Variants in SYT1 observed in about 807,000 individuals in gnomAD.
The protein encoded by SYT1 is synaptotagmin-1.
In SYT1, 8 loss-of-function variants were observed where a neutral mutation model predicts 44.8. That is an observed-to-expected ratio of 0.18 (90% CI 0.10 to 0.32). The LOEUF (loss-of-function observed/expected upper bound fraction) is 0.32. Among genes scored for constraint, SYT1 ranks in the 10% least tolerant of loss-of-function variants. The probability of loss-of-function intolerance (pLI) is 1.00; values close to 1 mark genes in which losing one functional copy is unlikely to be tolerated. For synonymous variants in SYT1, 154 were observed against 188.8 expected (o/e 0.82, Z 1.51); for missense variants, 286 against 509.3 (o/e 0.56, Z 4.22).
At chr12:79,220,605 T>C (rs548915253) in intron 4 of SYT1, among the ~76,000 whole-genome samples, 1 of 152,270 alleles carries the variant, frequency 6.6e-6, no homozygotes, top group East Asian at 1.9e-4. Flanking sequence ...TTTTGCTATA[T>C]TGTGTTTTCT....
chr12:79,052,421 G>A (rs1275881397), intron 3 of SYT1, among the ~76,000 whole-genome samples: 24 of 152,034 alleles, frequency 1.6e-4, no homozygotes, highest in African/African-American at 4.3e-4. Flanking sequence ...AAACCTAGAC[G>A]ATACCATTCA....
chr12:78,865,564 TGGG>T (rs56184328), intron 1 of SYT1, among the ~76,000 whole-genome samples: 15,061 of 145,638 alleles, frequency 0.1, 870 homozygotes, highest in South Asian at 0.23. Flanking sequence ...GAGAGGGATA[TGGG>T]GGGGGGGGGG....
At chr12:79,179,360 A>AGATATAGCGATATATCTATATC (rs1872269395) in intron 3 of SYT1, among the ~76,000 whole-genome samples, 1 of 66,450 alleles carries the variant, frequency 1.5e-5, no homozygotes, top group Non-Finnish European at 2.6e-5. Context: ...ATATCGATAT[A>AGATATAGCGATATATCTATATC]GATATAGATA....
intron 3 of SYT1, among the ~76,000 whole-genome samples, chr12:79,179,958 C>T (rs1262844976): frequency 1.3e-5 from 2 of 151,988 alleles, no homozygotes; most frequent in African/African-American, 2.4e-5. Context: ...TCAGAATTTA[C>T]TCAACCAATC....
At chr12:79,384,459 G>C (rs897958248) in intron 9 of SYT1, among the ~76,000 whole-genome samples, 1 of 152,116 alleles carries the variant, frequency 6.6e-6, no homozygotes, top group East Asian at 1.9e-4. Context: ...ATGAGGGCAC[G>C]TAATCAGAGT....
At chr12:79,437,814 G>A (rs970196065) in intron 9 of SYT1, among the ~76,000 whole-genome samples, 2 of 152,152 alleles carry the variant, frequency 1.3e-5, no homozygotes, top group African/African-American at 4.8e-5. Flanking sequence ...AGGTTGCATT[G>A]TAGAGTGTCT....
intron 1 of SYT1, among the ~76,000 whole-genome samples, chr12:78,949,111 T>G (rs78294870): frequency 6.6e-6 from 1 of 151,556 alleles, no homozygotes; most frequent in African/African-American, 2.4e-5. Context: ...ATAGGACTTC[T>G]CCAAACAAGG....
chr12:79,208,745 AACACCTCTAC>A (rs1338931166), intron 3 of SYT1, among the ~76,000 whole-genome samples: 1 of 152,184 alleles, frequency 6.6e-6, no homozygotes, highest in Admixed American at 6.5e-5. Context: ...TCTTCAGCAT[AACACCTCTAC>A]ACACCTCTTC....
intron 9 of SYT1, among the ~76,000 whole-genome samples, chr12:79,377,580 T>C (rs931002561): frequency 6.6e-6 from 1 of 152,230 alleles, no homozygotes; most frequent in Non-Finnish European, 1.5e-5. Flanking sequence ...GTGTGGTGTT[T>C]CTGTTATCCT....
intron 3 of SYT1, among the ~76,000 whole-genome samples, chr12:79,155,520 C>T (rs893090829): frequency 2.0e-5 from 3 of 152,212 alleles, no homozygotes; most frequent in African/African-American, 4.8e-5. Context: ...ACTTTCTTCT[C>T]ATCTAGGCAT....
chr12:78,892,013 T>C (rs1325560866), intron 1 of SYT1, among the ~76,000 whole-genome samples: 1 of 151,862 alleles, frequency 6.6e-6, no homozygotes, highest in Non-Finnish European at 1.5e-5. Flanking sequence ...TAACAATTTT[T>C]CATTCTCTTT....
chr12:78,920,045 G>A (rs1407477107), intron 1 of SYT1, among the ~76,000 whole-genome samples: 2 of 151,622 alleles, frequency 1.3e-5, no homozygotes, highest in African/African-American at 4.8e-5. Flanking sequence ...AAGAGCTATG[G>A]AATTTAGTCT....
intron 9 of SYT1, among the ~76,000 whole-genome samples, chr12:79,430,429 T>C (rs1008400336): frequency 6.6e-6 from 1 of 152,248 alleles, no homozygotes; most frequent in Non-Finnish European, 1.5e-5. Flanking sequence ...CTATAAGTTC[T>C]TTGAAGAACA....
intron 2 of SYT1, among the ~76,000 whole-genome samples, chr12:79,014,703 A>G (rs1284291389): frequency 6.6e-6 from 1 of 152,162 alleles, no homozygotes; most frequent in Non-Finnish European, 1.5e-5. Flanking sequence ...CAGCCATCCT[A>G]TTACTGGGTA....
At chr12:79,268,767 A>T (rs10861757) in intron 4 of SYT1, among the ~76,000 whole-genome samples, 44,129 of 152,126 alleles carry the variant, frequency 0.29, 6,934 homozygotes, top group East Asian at 0.58. Flanking sequence ...GGAGAAGGCT[A>T]CATGAATTTA....
intron 3 of SYT1, among the ~76,000 whole-genome samples, chr12:79,192,977 C>T (rs1873220557): frequency 6.6e-6 from 1 of 152,048 alleles, no homozygotes; most frequent in African/African-American, 2.4e-5. Context: ...CTAATTATAC[C>T]TGAATTAAGG....
intron 1 of SYT1, among the ~76,000 whole-genome samples, chr12:78,961,472 C>T (rs1241991967): frequency 2.0e-5 from 3 of 152,162 alleles, no homozygotes; most frequent in Non-Finnish European, 2.9e-5. Flanking sequence ...TCTGTGACCA[C>T]GTTCCTATTG....
chr12:79,316,807 A>G (rs1881109142), intron 8 of SYT1, among the ~76,000 whole-genome samples: 1 of 152,214 alleles, frequency 6.6e-6, no homozygotes, highest in African/African-American at 2.4e-5. Context: ...CTCGATAGGT[A>G]GAACATAAGC....
At chr12:79,380,652 A>G (rs912297010) in intron 9 of SYT1, among the ~76,000 whole-genome samples, 4 of 152,160 alleles carry the variant, frequency 2.6e-5, no homozygotes, top group Non-Finnish European at 5.9e-5. Flanking sequence ...CCTTCCAGGT[A>G]TCTGGGATTG....
Sources: gnomAD v4.1 joint callset for allele counts (sites outside exome capture counted in the v4.1 genomes callset) on GRCh38, gnomAD v4.1.1 for gene constraint, MANE v1.5 for transcripts, NCBI Gene and HGNC (gene_info 2026-07-23, HGNC 2026-07-21) for gene names.